The following ATXN7 variants were observed in gnomAD, a reference collection of about 807,000 sequenced individuals.
ATXN7 encodes the protein ataxin-7.
A neutral mutation model predicts 70.5 loss-of-function variants in ATXN7; 12 were observed. The ratio of observed to expected loss-of-function variants is 0.17; its 90% CI spans 0.11 to 0.28. The LOEUF (loss-of-function observed/expected upper bound fraction) is 0.28. ATXN7 is among the 10% of genes least tolerant of loss of function. The pLI, the probability that ATXN7 is intolerant of heterozygous loss-of-function variation, is 1.00. For missense variants in ATXN7, 1,256 were observed against 1,131.7 expected, an observed-to-expected ratio of 1.11 and a Z score of -1.58; for synonymous variants, 498 against 448.7, an observed-to-expected ratio of 1.11 and a Z score of -1.39.
intron 11 of ATXN7, among the ~76,000 whole-genome samples, chr3:63,992,044 A>G (rs967012111): frequency 1.3e-5 from 2 of 152,192 alleles, no homozygotes; most frequent in African/African-American, 4.8e-5. Context: ...GTGACTGTCC[A>G]GTAATCCCCA....
At chr3:63,988,351 C>G in intron 9 of ATXN7, 27 bp downstream of exon 9, 3 of 1,613,134 alleles carry the variant, frequency 1.9e-6, no homozygotes, top group Non-Finnish European at 2.5e-6. Context: ...AACTCTTTCT[C>G]CCACCTTCAG....
intron 5 of ATXN7, among the ~76,000 whole-genome samples, chr3:63,972,060 G>A (rs143154835): frequency 3.5e-4 from 54 of 152,282 alleles, no homozygotes; most frequent in Non-Finnish European, 5.7e-4. Context: ...CACGAGTTGT[G>A]TTTGGTGGCC....
chr3:63,970,445 C>G (rs1486009954), intron 5 of ATXN7, among the ~76,000 whole-genome samples: 1 of 152,108 alleles, frequency 6.6e-6, no homozygotes, highest in Non-Finnish European at 1.5e-5. Flanking sequence ...CTGAGGTGAT[C>G]AACTGTTGTG....
intron 4 of ATXN7, among the ~76,000 whole-genome samples, chr3:63,916,119 C>G (rs976253773): frequency 6.6e-6 from 1 of 152,194 alleles, no homozygotes; most frequent in Non-Finnish European, 1.5e-5. Flanking sequence ...GTTATTTCAT[C>G]TTTCTGAATA....
chr3:63,957,235 T>C (rs986969017), intron 5 of ATXN7, among the ~76,000 whole-genome samples: 1 of 151,872 alleles, frequency 6.6e-6, no homozygotes, highest in Non-Finnish European at 1.5e-5. Flanking sequence ...TGAATGATGT[T>C]TATTCAGCTT....
chr3:63,940,693 A>T (rs1003973431), intron 4 of ATXN7, among the ~76,000 whole-genome samples: 5 of 152,126 alleles, frequency 3.3e-5, no homozygotes, highest in African/African-American at 1.2e-4. Flanking sequence ...ATTAAAGTTG[A>T]TACTATCATT....
At chr3:63,907,709 A>C (rs1244012233) in intron 2 of ATXN7, among the ~76,000 whole-genome samples, 1 of 151,462 alleles carries the variant, frequency 6.6e-6, no homozygotes, top group Admixed American at 6.6e-5. Context: ...GGTCCCCCAA[A>C]GTGCTGGGAT....
intron 5 of ATXN7, among the ~76,000 whole-genome samples, chr3:63,960,348 A>G (rs1009954221): frequency 2.0e-5 from 3 of 152,176 alleles, no homozygotes; most frequent in African/African-American, 4.8e-5. Flanking sequence ...CCTGCAAGCC[A>G]TGAGAAGAAT....
intron 1 of ATXN7, among the ~76,000 whole-genome samples, chr3:63,879,183 C>CT (rs2107217592): frequency 6.6e-6 from 1 of 152,252 alleles, no homozygotes; most frequent in East Asian, 1.9e-4. Flanking sequence ...TCAGTTCTAT[C>CT]TTTTAATATA....
At chr3:63,910,496 A>G (rs964760235) in intron 2 of ATXN7, among the ~76,000 whole-genome samples, 1 of 152,158 alleles carries the variant, frequency 6.6e-6, no homozygotes, top group African/African-American at 2.4e-5. Flanking sequence ...TTTTCATGTA[A>G]TTATTCAGAT....
chr3:63,902,670 A>G (rs1383941419), intron 2 of ATXN7, among the ~76,000 whole-genome samples: 1 of 152,148 alleles, frequency 6.6e-6, no homozygotes, highest in Non-Finnish European at 1.5e-5. Flanking sequence ...CATATACTCC[A>G]TGAGGAAGAA....
rs1241022808 is a variant in ATXN7 at position 63,996,304 on chromosome 3, C to T, written c.2482C>T (p.Pro828Ser). ...CGGCAGTTTTTCCCACTCACACACTCCTCTAGACAAACTCATAGGAAAGAA... is the reference window on the plus strand; with the variant it reads ...CGGCAGTTTTTCCCACTCACACACTTCTCTAGACAAACTCATAGGAAAGAA... ...SHGSFSHSHT[P>S]LDKLIGKKRK... is the part of the protein sequence containing the mutation. Residue 828 changes from proline to serine, a missense_variant, in exon 12 of 13, where the codon CCT (proline) becomes TCT (serine). Physicochemically the swap from Pro to Ser is moderately conservative, Grantham distance 74. Transcript: ENST00000674280. The T allele has an allele frequency of 1.2e-6, 2 of 1,614,176 alleles. No homozygotes were observed. Among genetic ancestry groups the T allele is most frequent in the South Asian group, 1.1e-5 (1 of 91,090 alleles).
At chr3:63,952,319 A>G (rs2074969075) in intron 4 of ATXN7, 60 bp from the exon 5 acceptor site, 1 of 1,334,634 alleles carries the variant, frequency 7.5e-7, no homozygotes, top group Non-Finnish European at 1.0e-6. Flanking sequence ...TAGTTTCCCA[A>G]AATGGTTTTA....
intron 3 of ATXN7, 34 bp downstream of exon 3, chr3:63,912,957 C>A (rs770246503): frequency 9.2e-6 from 14 of 1,515,826 alleles, no homozygotes; most frequent in African/African-American, 1.4e-5. Flanking sequence ...CCCTTCACCC[C>A]CTCGCGACCC....
intron 4 of ATXN7, among the ~76,000 whole-genome samples, chr3:63,941,048 G>A (rs1038924076): frequency 6.6e-6 from 1 of 152,092 alleles, no homozygotes; most frequent in Admixed American, 6.5e-5. Context: ...AGGTTCCTCA[G>A]GATTTTGATA....
intron 11 of ATXN7, 50 bp downstream of exon 11, chr3:63,990,909 A>G: frequency 6.2e-7 from 1 of 1,609,000 alleles, no homozygotes; most frequent in Non-Finnish European, 8.5e-7. Flanking sequence ...ACAGTGCTGC[A>G]TTGTCTTTTA....
Position 63,982,286 on chromosome 3 carries a change from T to C in ATXN7, c.853T>C (p.Leu285=). The C allele has an allele frequency of 6.2e-7, 1 of 1,614,190 alleles. No individual in the cohort carries two copies. The highest frequency in any genetic ancestry group is 1.1e-5 in the South Asian group (1 of 91,086). The change falls in exon 7 of 13, where the codon TTA becomes CTA. Residue 285 remains leucine (L), a synonymous_variant. Coordinates refer to ENST00000674280, the MANE Select transcript of ATXN7 (RefSeq NM_001377405.1). ...GPTCPATVSS[L]VKPGLNCPSI... Reference sequence around the variant, plus strand: ...AACCTGTCCTGCTACTGTGAGTTCCTTAGTCAAGCCTGGCCTTAACTGCCC... The same window carrying C: ...AACCTGTCCTGCTACTGTGAGTTCCCTAGTCAAGCCTGGCCTTAACTGCCC...
intron 1 of ATXN7, among the ~76,000 whole-genome samples, chr3:63,892,467 TCACACACACA>T (rs60819300): frequency 1.2e-4 from 16 of 131,770 alleles, no homozygotes; most frequent in African/African-American, 4.7e-4. Flanking sequence ...TATCGCTCCT[TCACACACACA>T]CACACACACA....
intron 1 of ATXN7, chr3:63,865,197 A>G (rs1702371799): frequency 6.6e-6 from 1 of 152,240 alleles, no homozygotes; most frequent in Admixed American, 6.5e-5. Flanking sequence ...CAAATGTATT[A>G]AAGTGAAGTG....
Sources: allele counts gnomAD v4.1 joint callset (sites outside exome capture counted in the v4.1 genomes callset), GRCh38; gene constraint gnomAD v4.1.1; transcripts MANE v1.5; gene names NCBI Gene and HGNC (gene_info 2026-07-23, HGNC 2026-07-21).